The following IVNS1ABP variants were observed in gnomAD, a reference collection of about 807,000 sequenced individuals.
IVNS1ABP encodes influenza virus NS1A binding protein.
A neutral mutation model predicts 78.9 loss-of-function variants in IVNS1ABP; 25 were observed. The ratio of observed to expected loss-of-function variants is 0.32; its 90% confidence interval spans 0.23 to 0.44. IVNS1ABP has a LOEUF of 0.44. Ranked by LOEUF, IVNS1ABP falls within the 20% of genes least tolerant of loss-of-function variation. The probability of loss-of-function intolerance (pLI) is 1.00; values close to 1 mark genes in which losing one functional copy is unlikely to be tolerated. For synonymous variants in IVNS1ABP, 241 were observed against 259.7 expected, an observed-to-expected ratio of 0.93 and a Z score of 0.69; for missense variants, 494 against 768.9, an observed-to-expected ratio of 0.64 and a Z score of 4.23.
rs1665441472 is a variant in IVNS1ABP, at chr1:185,297,139, A to C, written c.*896T>G. On this transcript the variant is annotated 3_prime_UTR_variant, in exon 15 of 15. Transcript: ENST00000367498. Reference sequence around the variant, plus strand: ...TTTTCACAATTGAGGGCTGCTATTTAGGACTGTTTTGTTAATAATAAAAAC... The same window carrying C: ...TTTTCACAATTGAGGGCTGCTATTTCGGACTGTTTTGTTAATAATAAAAAC... 6.6e-6 allele frequency: 1 copy of C among 152,188 alleles called. No homozygotes were observed. The highest frequency in any genetic ancestry group is 2.1e-4 in the South Asian group (1 of 4,836). The allele number at this position is 152,188 out of a possible 1,614,324, so 9.4% of individuals were successfully genotyped here. A position where few individuals can be genotyped will look rare whatever the true frequency, so the allele number is the denominator to read the frequency against.
rs1666061023 is a variant in IVNS1ABP at position 185,317,159 on chromosome 1, G to A, written c.-453C>T. The A allele has an allele frequency of 1.5e-5, 6 of 398,176 alleles. No individual in the cohort carries two copies. The highest frequency in any genetic ancestry group is 2.2e-5 in the Non-Finnish European group (5 of 226,034). 24.7% of individuals were successfully genotyped at this position (398,176 alleles called of 1,614,324 possible). ...ACTCGCGGGAACTCGCTCGCTCGCC[G>A]ATACAGCCGCGCCGAAGCAGCAGGC... is the stretch of plus-strand genomic sequence containing the variant. On this transcript the variant is annotated 5_prime_UTR_variant, in exon 1 of 15. Coordinates refer to ENST00000367498, the MANE Select transcript of IVNS1ABP (RefSeq NM_006469.5).
intron 8 of IVNS1ABP, among the ~76,000 whole-genome samples, chr1:185,304,841 T>G (rs1043218663): frequency 7.9e-5 from 12 of 152,168 alleles, no homozygotes; most frequent in Non-Finnish European, 2.9e-5. Flanking sequence ...ACTTGTGTAC[T>G]TTTCTGTATT....
chr1:185,302,648 C>A (rs1665631738), intron 8 of IVNS1ABP, among the ~76,000 whole-genome samples: 1 of 152,090 alleles, frequency 6.6e-6, no homozygotes, highest in South Asian at 2.1e-4. Flanking sequence ...AGTGTGGTTA[C>A]AACATACGTA....
chr1:185,315,030 C>G (rs1323597870), intron 1 of IVNS1ABP, among the ~76,000 whole-genome samples: 1 of 152,080 alleles, frequency 6.6e-6, no homozygotes, highest in African/African-American at 2.4e-5. Context: ...AACAAAAACC[C>G]AGAAATCAAT....
chr1:185,300,524 G>C lies in IVNS1ABP; in HGVS notation c.1155C>G (p.Val385=), dbSNP rs538644369. Residue 385 remains valine, a synonymous_variant, in exon 11 of 15, where the codon GTC becomes GTG. Coordinates refer to ENST00000367498, the MANE Select transcript of IVNS1ABP (RefSeq NM_006469.5). ...GYNREECLRT[V]ECYNPHTDHW... is the part of the protein sequence containing the mutation. ...GATCTGTATGTGGATTATAGCATTCGACTGTTCGAAGACATTCCTCTCTGT... is the reference window on the plus strand; with the variant it reads ...GATCTGTATGTGGATTATAGCATTCCACTGTTCGAAGACATTCCTCTCTGT... 15 of 1,613,298 alleles carry C rather than the reference G, an allele frequency of 9.3e-6. No individual in the cohort carries two copies. Among genetic ancestry groups the C allele is most frequent in the Non-Finnish European group, 1.3e-5 (15 of 1,179,444 alleles).
At chr1:185,304,939 T>C (rs1665697220) in intron 8 of IVNS1ABP, among the ~76,000 whole-genome samples, 2 of 152,172 alleles carry the variant, frequency 1.3e-5, no homozygotes, top group Non-Finnish European at 2.9e-5. Context: ...TGTTTACTCA[T>C]AGGGGAAAAA....
In IVNS1ABP at chr1:185,314,877, A is replaced by G. The variant is rs554656235; in HGVS notation, c.-247+2076T>C. The stretch of plus-strand genomic sequence containing the variant: ...CATGGAGAAGGGAAGGAAGGAAAGG[A>G]AGAATTTGGTTTGAGACGTTCTAAT... On this transcript the variant is annotated intron_variant, in intron 1 of 14. Transcript: ENST00000367498. Among the ~76,000 whole-genome samples, 7 of 152,330 alleles carry G rather than the reference A, an allele frequency of 4.6e-5. No homozygotes were observed. In the South Asian group the frequency reaches 1.2e-3, roughly 27 times the overall value.
At chr1:185,306,882 G>T in intron 7 of IVNS1ABP, 132 bp downstream of exon 7, 1 of 993,224 alleles carries the variant, frequency 1.0e-6, no homozygotes, top group Non-Finnish European at 1.5e-6. Context: ...CTGTTTCTCA[G>T]CTTAGGGGTA....
intron 9 of IVNS1ABP, 82 bp downstream of exon 9, chr1:185,301,352 A>T (rs562332255): frequency 3.9e-6 from 6 of 1,521,552 alleles, no homozygotes; most frequent in African/African-American, 1.4e-5. Context: ...TCGAGTAGTC[A>T]ATTTAAGAGG....
intron 7 of IVNS1ABP, 52 bp downstream of exon 7, chr1:185,306,962 A>G (rs751643285): frequency 2.5e-6 from 4 of 1,581,990 alleles, no homozygotes; most frequent in Non-Finnish European, 3.5e-6. Context: ...CCTTCATGTT[A>G]TAGCAAAATA....
At chr1:185,312,258 A>G (rs1665908297) in intron 1 of IVNS1ABP, among the ~76,000 whole-genome samples, 1 of 152,068 alleles carries the variant, frequency 6.6e-6, no homozygotes, top group African/African-American at 2.4e-5. Context: ...TCCCTCCCTC[A>G]TTTTCACATC....
In IVNS1ABP at chr1:185,305,462, G is replaced by C; in HGVS notation, c.765+74C>G. ...ATTGGTCCACTTTCCTTTATTAAAG[G>C]AAAATTTAAGTATGCTATCAAATTC... On this transcript the variant is annotated intron_variant, in intron 8 of 14. Transcript: ENST00000367498. This position sits in a 1 kb window ranked among gnomAD's most constrained non-coding sequence, Gnocchi z 4.0. The C allele has an allele frequency of 1.3e-6, 2 of 1,547,554 alleles. No homozygotes were observed. The highest frequency in any genetic ancestry group is 8.8e-7 in the Non-Finnish European group (1 of 1,138,082).
rs1288406789 is a variant in IVNS1ABP, at chr1:185,305,073, G to A, written c.765+463C>T. On this transcript the variant is annotated intron_variant, in intron 8 of 14. Coordinates refer to ENST00000367498, the MANE Select transcript of IVNS1ABP (RefSeq NM_006469.5). The surrounding 1 kb of genome is among the most constrained non-coding windows in gnomAD (Gnocchi z 4.0). ...TTTAACATATGATCCACCACTTTTA[G>A]ACTTATTACATTGTATAGTCCATCT... Among the ~76,000 whole-genome samples, 2 of 152,030 alleles carry A rather than the reference G, an allele frequency of 1.3e-5. No individual in the cohort carries two copies. Among genetic ancestry groups the A allele is most frequent in the Non-Finnish European group, 2.9e-5 (2 of 67,992 alleles).
At chr1:185,306,948 G>T in intron 7 of IVNS1ABP, 66 bp downstream of exon 7, 1 of 1,528,592 alleles carries the variant, frequency 6.5e-7, no homozygotes, top group Non-Finnish European at 9.0e-7. Flanking sequence ...AAGTGAAAGG[G>T]AATCCTTCAT....
Position 185,305,718 on chromosome 1 carries a change from C to T in IVNS1ABP, c.658-75G>A, listed in dbSNP as rs769820916. ...TCCACTAGTATGCAGATTACACAAA[C>T]GCCTCAAGGTAACCTCCAGTGTGCT... is the stretch of plus-strand genomic sequence containing the variant. On this transcript the variant is annotated intron_variant, in intron 7 of 14. Transcript: ENST00000367498. This position sits in a 1 kb window ranked among gnomAD's most constrained non-coding sequence, Gnocchi z 4.0. The T allele has an allele frequency of 1.5e-5, 23 of 1,537,572 alleles. No individual in the cohort carries two copies. The highest frequency in any genetic ancestry group is 2.0e-5 in the Non-Finnish European group (22 of 1,127,662).
rs945904462 is a variant in IVNS1ABP at position 185,311,182 on chromosome 1, T to G, written c.-106A>C. 3 of 389,864 alleles carry G rather than the reference T, an allele frequency of 7.7e-6. No individual in the cohort carries two copies. The highest frequency in any genetic ancestry group is 9.1e-6 in the Non-Finnish European group (2 of 220,226). The allele number at this position is 389,864 out of a possible 1,614,324, so 24.2% of individuals were successfully genotyped here. ...TTAAAAGGTGCACTTCGTCAGGGTA[T>G]GAAGACAGGTGGTTGAAATGAAGGC... On this transcript the variant is annotated 5_prime_UTR_variant, in exon 2 of 15. Coordinates refer to ENST00000367498, the MANE Select transcript of IVNS1ABP (RefSeq NM_006469.5).
chr1:185,308,632 G>GCTACA (rs2102820317), intron 5 of IVNS1ABP, among the ~76,000 whole-genome samples, 168 bp downstream of exon 5: 1 of 152,262 alleles, frequency 6.6e-6, no homozygotes, highest in African/African-American at 2.4e-5. Flanking sequence ...GTGTGATCTT[G>GCTACA]CTACATTATT....
intron 9 of IVNS1ABP, 88 bp from the exon 10 acceptor site, chr1:185,301,284 C>G: frequency 7.2e-7 from 1 of 1,386,538 alleles, no homozygotes; most frequent in Non-Finnish European, 1.0e-6. Flanking sequence ...GTCTCCACAT[C>G]CCAGACTGGA....
chr1:185,310,718 T>G (rs1481138388), intron 2 of IVNS1ABP, among the ~76,000 whole-genome samples: 1 of 151,558 alleles, frequency 6.6e-6, no homozygotes, highest in African/African-American at 2.4e-5. Context: ...CTACAAAAAA[T>G]GTAAAAATTA....
Sources: gnomAD v4.1 joint callset for allele counts (sites outside exome capture counted in the v4.1 genomes callset) on GRCh38, gnomAD v4.1.1 for gene constraint, Gnocchi (gnomAD v3.1) non-coding constraint, MANE v1.5 for transcripts, NCBI Gene and HGNC (gene_info 2026-07-23, HGNC 2026-07-21) for gene names.